Variants in STRN3 observed in about 807,000 individuals in gnomAD.
STRN3 encodes striatin-3.
In STRN3, 29 loss-of-function variants were observed where a neutral mutation model predicts 95.6. The ratio of observed to expected loss-of-function variants is 0.30; its 90% CI spans 0.23 to 0.41. The LOEUF is 0.41. Ranked by LOEUF, STRN3 falls within the 10% of genes least tolerant of loss-of-function variation. The probability of loss-of-function intolerance (pLI) is 1.00; values close to 1 mark genes in which losing one functional copy is unlikely to be tolerated. For missense variants in STRN3, 890 were observed against 972.1 expected (o/e 0.92, Z 1.12); for synonymous variants, 331 against 357.6 (o/e 0.93, Z 0.84).
intron 1 of STRN3, among the ~76,000 whole-genome samples, chr14:30,969,231 C>G (rs963918985): frequency 6.6e-6 from 1 of 152,100 alleles, no homozygotes; most frequent in African/African-American, 2.4e-5. Flanking sequence ...GTCAGGAGAT[C>G]GAGACCATCC....
At chr14:30,913,302 C>T (rs890443482) in intron 10 of STRN3, among the ~76,000 whole-genome samples, 41 of 151,638 alleles carry the variant, frequency 2.7e-4, no homozygotes, top group Admixed American at 2.6e-3. Context: ...ATATATTAAT[C>T]ATCTCAAACT....
chr14:30,952,995 A>G (rs1324947878), intron 3 of STRN3, among the ~76,000 whole-genome samples: 3 of 152,290 alleles, frequency 2.0e-5, no homozygotes, highest in South Asian at 2.1e-4. Flanking sequence ...AAATGTGCCA[A>G]TGTATATACT....
chr14:31,006,073 C>G (rs79940597), intron 1 of STRN3, among the ~76,000 whole-genome samples: 4,215 of 146,988 alleles, frequency 0.029, 119 homozygotes, highest in Non-Finnish European at 0.04. Context: ...AAGCCGAGAT[C>G]GCGCCACTGC....
intron 15 of STRN3, among the ~76,000 whole-genome samples, chr14:30,904,283 G>A (rs1397438731): frequency 6.6e-6 from 1 of 152,116 alleles, no homozygotes; most frequent in Non-Finnish European, 1.5e-5. Context: ...AAGGACTCAG[G>A]AGCCAACATG....
Position 30,963,094 on chromosome 14 carries a change from A to C in STRN3, c.283-6852T>G, listed in dbSNP as rs80016387. Among the ~76,000 whole-genome samples, 1,390 of 144,630 alleles carry C rather than the reference A, an allele frequency of 9.6e-3. 22 individuals are homozygous for C. Among genetic ancestry groups the C allele is most frequent in the African/African-American group, 0.033 (1,307 of 40,112 alleles). 94.9% of individuals were successfully genotyped at this position (144,630 alleles called of 152,430 possible). A position where few individuals can be genotyped will look rare whatever the true frequency, so the allele number is the denominator to read the frequency against. ...TTACGTGACACATGACTACGCTAAT[A>C]ATGACAAGAAGATATTACAACTATA... is the stretch of plus-strand genomic sequence containing the variant. On this transcript the variant is annotated intron_variant, in intron 1 of 17. Coordinates refer to ENST00000357479, the MANE Select transcript of STRN3 (RefSeq NM_001083893.2).
At chr14:30,925,397 C>CA (rs549670080) in intron 8 of STRN3, among the ~76,000 whole-genome samples, 73 of 147,786 alleles carry the variant, frequency 4.9e-4, no homozygotes, top group South Asian at 2.2e-3. Flanking sequence ...CTTTCCCTTC[C>CA]AAAAAAAAAG....
chr14:30,918,740 A>C (rs1896805262), intron 9 of STRN3, among the ~76,000 whole-genome samples: 4 of 152,194 alleles, frequency 2.6e-5, no homozygotes, highest in Admixed American at 2.6e-4. Flanking sequence ...CCTATGATGG[A>C]AACAACAACT....
chr14:30,951,621 C>T (rs899075170), intron 3 of STRN3, among the ~76,000 whole-genome samples: 10 of 152,062 alleles, frequency 6.6e-5, no homozygotes, highest in African/African-American at 2.2e-4. Flanking sequence ...AAAATCAACA[C>T]TGTTAAGATA....
At chr14:30,940,030 T>TG (rs1320332057) in intron 5 of STRN3, among the ~76,000 whole-genome samples, 3 of 149,020 alleles carry the variant, frequency 2.0e-5, no homozygotes, top group Non-Finnish European at 4.5e-5. Context: ...GCCTAGTGTG[T>TG]TTTTTTTTTA....
In STRN3 at chr14:30,895,451, G is replaced by A. The variant is rs761594472; in HGVS notation, c.2354C>T (p.Ala785Val). The A allele has an allele frequency of 6.2e-7, 1 of 1,613,538 alleles. No individual in the cohort carries two copies. The highest frequency in any genetic ancestry group is 1.1e-5 in the South Asian group (1 of 91,014). Residue 785 changes from alanine (A) to valine (V), a missense_variant, in exon 18 of 18, where the codon GCT becomes GTT. By Grantham distance (64) the Ala-to-Val change is moderately conservative. Transcript: ENST00000357479. ...GGCAAGAGCATCAGCTCCTGCACTA[G>A]CTATATATGCTTTTGACGAGTGGAA... ...VAFHSSKAYIASAGADALAKV... is the reference protein window; with the variant it reads ...VAFHSSKAYIVSAGADALAKV...
At chr14:30,967,913 G>A (rs923371622) in intron 1 of STRN3, among the ~76,000 whole-genome samples, 6 of 152,060 alleles carry the variant, frequency 3.9e-5, no homozygotes, top group South Asian at 2.1e-4. Context: ...ACTTCCTCCC[G>A]GGTGACTGGG....
chr14:30,967,758 A>G (rs1880605969), intron 1 of STRN3, among the ~76,000 whole-genome samples: 1 of 152,276 alleles, frequency 6.6e-6, no homozygotes, highest in Non-Finnish European at 1.5e-5. Flanking sequence ...TCTTAAAATT[A>G]TAAGGCTATT....
At position 30,947,117 on chromosome 14, in the gene STRN3, G is replaced by A; in HGVS notation, c.689C>T (p.Pro230Leu). ...LEQILNGGES[P>L]KQKGQEIKRS... Reference sequence around the variant, plus strand: ...TTTTATTTCTTGTCCCTTTTGCTTAGGAGATTCACCTCCATTCAGGATCTG... The same window carrying A: ...TTTTATTTCTTGTCCCTTTTGCTTAAGAGATTCACCTCCATTCAGGATCTG... Residue 230 changes from proline (P) to leucine (L), a missense_variant, in exon 5 of 18, where the codon CCT becomes CTT. Pro to Leu is a moderately conservative substitution (Grantham distance 98, BLOSUM62 -3). This residue lies in a region of STRN3 where 526 missense variants were observed against 526.3 expected (regional missense o/e 1.00). Transcript: ENST00000357479. 6.2e-7 allele frequency: 1 copy of A among 1,603,658 alleles called. No homozygotes were observed. Among genetic ancestry groups the A allele is most frequent in the Non-Finnish European group, 8.5e-7 (1 of 1,176,966 alleles).
rs1168905352 is a variant in STRN3, at chr14:31,022,251, G to A, written c.282+3653C>T. Among the ~76,000 whole-genome samples the A allele has an allele frequency of 7.2e-5, 11 of 151,892 alleles. 1 individual carries two copies. The highest frequency in any genetic ancestry group is 7.2e-4 in the Admixed American group (11 of 15,226). On this transcript the variant is annotated intron_variant, in intron 1 of 17. Coordinates refer to ENST00000357479, the MANE Select transcript of STRN3 (RefSeq NM_001083893.2). ...AAAAATTAGCTGGGCGTGGTGGCAGGCACCTGTAGTCCCAGCTACTGGGGA... is the reference window on the plus strand; with the variant it reads ...AAAAATTAGCTGGGCGTGGTGGCAGACACCTGTAGTCCCAGCTACTGGGGA...
intron 1 of STRN3, among the ~76,000 whole-genome samples, chr14:30,977,153 G>A (rs1881146451): frequency 6.6e-6 from 1 of 151,922 alleles, no homozygotes; most frequent in African/African-American, 2.4e-5. Context: ...TTGAACCCAG[G>A]AGGCAGAGGC....
At position 30,947,084 on chromosome 14, in the gene STRN3, T is replaced by A. The variant is rs1428091287; in HGVS notation, c.716+6A>T. 2 of 1,578,816 alleles carry A rather than the reference T, an allele frequency of 1.3e-6. No individual in the cohort carries two copies. The highest frequency in any genetic ancestry group is 1.7e-4 in the Middle Eastern group (1 of 5,902). ...TTATATAAACTATGTTAAGTATAAA[T>A]CATACCTTTTTATTTCTTGTCCCTT... On this transcript the variant is annotated splice_donor_region_variant and intron_variant, in intron 5 of 17. Transcript: ENST00000357479.
At position 30,949,594 on chromosome 14, in the gene STRN3, G is replaced by C. The variant is rs572067871; in HGVS notation, c.542+1269C>G. ...CCACTGTACTCCAGCTAAGGGAGGA[G>C]AATCTCTTGAGTCCGGGAGGCGGAG... On this transcript the variant is annotated intron_variant, in intron 4 of 17. Coordinates refer to ENST00000357479, the MANE Select transcript of STRN3 (RefSeq NM_001083893.2). Among the ~76,000 whole-genome samples the C allele has an allele frequency of 2.6e-4, 40 of 152,170 alleles. No individual in the cohort carries two copies. The South Asian group carries it at 8.1e-3, about 31-fold the overall frequency.
rs145113878 is a variant in STRN3 at position 30,995,382 on chromosome 14, C to G, written c.282+30522G>C. Among the ~76,000 whole-genome samples the G allele has an allele frequency of 3.1e-3, 477 of 152,242 alleles. 4 individuals are homozygous for G. The highest frequency in any genetic ancestry group is 0.011 in the African/African-American group (466 of 41,552). Reference sequence around the variant, plus strand: ...ATAAATTATTATAAAGGACACTAGCCTGGGAGTTTAGAGACTTACATTCTA... The same window carrying G: ...ATAAATTATTATAAAGGACACTAGCGTGGGAGTTTAGAGACTTACATTCTA... On this transcript the variant is annotated intron_variant, in intron 1 of 17. Transcript: ENST00000357479.
At chr14:31,004,992 G>A (rs1295810247) in intron 1 of STRN3, among the ~76,000 whole-genome samples, 1 of 152,000 alleles carries the variant, frequency 6.6e-6, no homozygotes, top group Non-Finnish European at 1.5e-5. Flanking sequence ...GGAAAAAGTG[G>A]GCTAAAGGTG....
Sources: allele counts gnomAD v4.1 joint callset (sites outside exome capture counted in the v4.1 genomes callset), GRCh38; gene constraint gnomAD v4.1.1; regional missense constraint gnomAD v4.1.1; transcripts MANE v1.5; gene names NCBI Gene and HGNC (gene_info 2026-07-23, HGNC 2026-07-21).